Variants in GPC3 observed in about 807,000 individuals in gnomAD.
GPC3 encodes glypican 3.
A neutral mutation model predicts 34.4 loss-of-function variants in GPC3; 3 were observed. The ratio of observed to expected loss-of-function variants is 0.09; its 90% CI spans 0.04 to 0.23. GPC3 has a LOEUF of 0.23. Among genes scored for constraint, GPC3 ranks in the 10% least tolerant of loss-of-function variants. The probability of loss-of-function intolerance (pLI) is 1.00; values close to 1 mark genes in which losing one functional copy is unlikely to be tolerated. For synonymous variants in GPC3, 177 were observed against 174.0 expected (o/e 1.02, Z -0.13); for missense variants, 351 against 445.6 (o/e 0.79, Z 1.91).
At chrX:133,665,547 A>C (rs1036329743) in intron 5 of GPC3, among the ~76,000 whole-genome samples, 3 of 112,405 alleles carry the variant, frequency 2.7e-5, no homozygotes, top group African/African-American at 6.5e-5. Context: ...CTGAGAAGGA[A>C]AATATTTTGT....
At chrX:133,649,885 G>A (rs1246144848) in intron 6 of GPC3, among the ~76,000 whole-genome samples, 1 of 111,487 alleles carries the variant, frequency 9.0e-6, no homozygotes, top group African/African-American at 3.3e-5. Context: ...ATAGTTCTTT[G>A]AAGGTAGAGC....
At chrX:133,546,584 C>T (rs2069388300) in intron 7 of GPC3, among the ~76,000 whole-genome samples, 1 of 111,161 alleles carries the variant, frequency 9.0e-6, no homozygotes, top group African/African-American at 3.3e-5. Flanking sequence ...TTAAAAGTTA[C>T]AGAGTTTCTT....
At chrX:133,936,204 T>C (rs1288505896) in intron 2 of GPC3, among the ~76,000 whole-genome samples, 1 of 100,862 alleles carries the variant, frequency 9.9e-6, no homozygotes, top group Non-Finnish European at 2.0e-5. Context: ...GGATTAAACT[T>C]AAAGTATAAT....
chrX:133,912,132 C>CA (rs1291990926), intron 2 of GPC3, among the ~76,000 whole-genome samples: 2 of 111,276 alleles, frequency 1.8e-5, no homozygotes, highest in African/African-American at 6.5e-5. Context: ...ATTTTCTTTA[C>CA]AAAAAAAAGT....
chrX:133,982,809 G>T (rs959835233), intron 1 of GPC3, among the ~76,000 whole-genome samples: 6 of 111,783 alleles, frequency 5.4e-5, no homozygotes, highest in African/African-American at 2.0e-4. Context: ...AAAGTCAAGC[G>T]GTCATCATGA....
At chrX:133,823,862 G>A (rs1176314607) in intron 2 of GPC3, among the ~76,000 whole-genome samples, 1 of 109,057 alleles carries the variant, frequency 9.2e-6, no homozygotes, top group Admixed American at 9.9e-5. Context: ...GCACATGCCT[G>A]TAATCACAGC....
intron 7 of GPC3, among the ~76,000 whole-genome samples, chrX:133,595,093 A>T (rs1429202764): frequency 1.8e-5 from 2 of 111,135 alleles, no homozygotes; most frequent in Admixed American, 1.9e-4. Flanking sequence ...GGGAGAGTAG[A>T]TAAGATCTGC....
intron 1 of GPC3, among the ~76,000 whole-genome samples, chrX:133,969,641 AC>A (rs1221495116): frequency 2.1e-4 from 23 of 111,718 alleles, no homozygotes; most frequent in Non-Finnish European, 7.5e-5. Context: ...TTAAAAAAAA[AC>A]ATCTGAGTGC....
chrX:133,862,222 C>T (rs2075940273), intron 2 of GPC3, among the ~76,000 whole-genome samples: 1 of 110,961 alleles, frequency 9.0e-6, no homozygotes, highest in African/African-American at 3.3e-5. Context: ...CCTCCCACTA[C>T]AGAAATGCAA....
chrX:133,773,755 T>C (rs895712853), intron 2 of GPC3, among the ~76,000 whole-genome samples: 1 of 111,822 alleles, frequency 8.9e-6, no homozygotes, highest in African/African-American at 3.2e-5. Flanking sequence ...ATTCTTTCAG[T>C]CCTTTATCTC....
At chrX:133,594,304 G>A (rs2069888074) in intron 7 of GPC3, among the ~76,000 whole-genome samples, 1 of 111,296 alleles carries the variant, frequency 9.0e-6, no homozygotes, top group Non-Finnish European at 1.9e-5. Context: ...GGTGGTGGTG[G>A]TGAAGTCAGA....
Position 133,624,146 on chromosome X carries a change from C to A in GPC3, c.1414-27547G>T, listed in dbSNP as rs766565648. On this transcript the variant is annotated intron_variant, in intron 6 of 7. Transcript: ENST00000370818. ...ACACAACATACCAGAATCTCTGGGA[C>A]ATATTTAAAGCAGTGTGTAGAGGGA... Among the ~76,000 whole-genome samples, 36 of 111,840 alleles carry A rather than the reference C, an allele frequency of 3.2e-4. 1 individual carries two copies. In the South Asian group the frequency reaches 0.014, roughly 42 times the overall value.
At chrX:133,891,511 A>G (rs1484473138) in intron 2 of GPC3, among the ~76,000 whole-genome samples, 1 of 110,649 alleles carries the variant, frequency 9.0e-6, no homozygotes, top group Non-Finnish European at 1.9e-5. Context: ...GCTTACATCT[A>G]TAATCCCAAC....
At chrX:133,786,116 G>A (rs1165552091) in intron 2 of GPC3, among the ~76,000 whole-genome samples, 1 of 112,506 alleles carries the variant, frequency 8.9e-6, no homozygotes, top group Non-Finnish European at 1.9e-5. Context: ...AGTGAGGCTG[G>A]GTGCAGTGGC....
At chrX:133,833,779 G>C (rs1353108337) in intron 2 of GPC3, among the ~76,000 whole-genome samples, 4 of 112,358 alleles carry the variant, frequency 3.6e-5, no homozygotes, top group Non-Finnish European at 7.5e-5. Context: ...AATAATCCAT[G>C]TTTACTATAG....
chrX:133,852,985 CAAAAAAAAAAAAAAA>C (rs33927142), intron 2 of GPC3, among the ~76,000 whole-genome samples: 2 of 42,111 alleles, frequency 4.7e-5, no homozygotes, highest in Non-Finnish European at 8.1e-5. Flanking sequence ...TTTTAAATTC[CAAAAAAAAAAAAAAA>C]AAAAAAAAAG....
chrX:133,726,338 AAGAC>A (rs1474431191), intron 3 of GPC3, among the ~76,000 whole-genome samples: 2 of 111,739 alleles, frequency 1.8e-5, no homozygotes, highest in African/African-American at 6.5e-5. Flanking sequence ...TATCAACTGT[AAGAC>A]AGGGAATCCA....
At chrX:133,824,193 A>G (rs773183059) in intron 2 of GPC3, among the ~76,000 whole-genome samples, 1 of 112,046 alleles carries the variant, frequency 8.9e-6, no homozygotes, top group South Asian at 3.7e-4. Flanking sequence ...AAAACAGATC[A>G]TAAAATGATA....
intron 2 of GPC3, among the ~76,000 whole-genome samples, chrX:133,906,983 C>T (rs1482273919): frequency 1.8e-5 from 2 of 109,975 alleles, no homozygotes; most frequent in Admixed American, 9.7e-5. Context: ...CGCCTGTAGT[C>T]CCAGCTACTC....
Sources: gnomAD v4.1 joint callset for allele counts (sites outside exome capture counted in the v4.1 genomes callset) on GRCh38, gnomAD v4.1.1 for gene constraint, MANE v1.5 for transcripts, NCBI Gene and HGNC (gene_info 2026-07-23, HGNC 2026-07-21) for gene names.